ARK2C: variants seen among roughly 807,000 people sequenced by gnomAD.
ARK2C encodes E3 ubiquitin-protein ligase ARK2C.
At chr18:46,387,262 C>T in the ARK2C span, among the ~76,000 whole-genome samples, 57 of 152,314 alleles carry the variant, frequency 3.7e-4, no homozygotes, top group South Asian at 0.012. Context: ...GGCCCCACCT[C>T]CAGAGAGTCC....
At chr18:46,416,109 T>C in the ARK2C span, among the ~76,000 whole-genome samples, 1 of 152,150 alleles carries the variant, frequency 6.6e-6, no homozygotes, top group African/African-American at 2.4e-5. Flanking sequence ...GATTTGTCTA[T>C]TTGCCAGCAC....
At chr18:46,367,891 T>C in the ARK2C span, among the ~76,000 whole-genome samples, 5 of 152,224 alleles carry the variant, frequency 3.3e-5, no homozygotes, top group African/African-American at 1.2e-4. Context: ...GGTGCAGGCA[T>C]CTGTACTTTG....
At chr18:46,342,117 C>T in the ARK2C span, among the ~76,000 whole-genome samples, 9 of 152,280 alleles carry the variant, frequency 5.9e-5, no homozygotes, top group African/African-American at 1.9e-4. Flanking sequence ...CTCCTTGGCA[C>T]AGCCCATGAG....
chr18:46,436,895 C>G, the ARK2C span, among the ~76,000 whole-genome samples: 3 of 152,124 alleles, frequency 2.0e-5, no homozygotes, highest in African/African-American at 7.2e-5. Flanking sequence ...TACTCAGGGC[C>G]CTTGCATATG....
chr18:46,426,945 A>G, the ARK2C span, among the ~76,000 whole-genome samples: 1 of 152,186 alleles, frequency 6.6e-6, no homozygotes, highest in Non-Finnish European at 1.5e-5. Context: ...GACATCACTG[A>G]TCGTTGATTT....
At chr18:46,346,516 G>A in the ARK2C span, among the ~76,000 whole-genome samples, 1 of 152,186 alleles carries the variant, frequency 6.6e-6, no homozygotes, top group Non-Finnish European at 1.5e-5. Flanking sequence ...GGGAAACTAA[G>A]CTGTAGCAAA....
At chr18:46,334,839 G>A in the ARK2C span, 1 of 192,370 alleles carries the variant, frequency 5.2e-6, no homozygotes, top group Non-Finnish European at 1.0e-5. The surrounding 1 kb of genome is among the most constrained non-coding windows in gnomAD (Gnocchi z 4.4). Flanking sequence ...TAGTACCGAT[G>A]GCTGGCTAGC....
chr18:46,380,185 A>C, the ARK2C span, among the ~76,000 whole-genome samples: 1 of 152,178 alleles, frequency 6.6e-6, no homozygotes. Flanking sequence ...TATAAAATGG[A>C]AGACTGGATG....
the ARK2C span, among the ~76,000 whole-genome samples, chr18:46,379,116 G>A: frequency 6.6e-5 from 10 of 152,202 alleles, no homozygotes; most frequent in South Asian, 2.1e-4. Context: ...TGGGGGCCTC[G>A]TTTTCCCTGC....
the ARK2C span, among the ~76,000 whole-genome samples, chr18:46,360,782 G>A: frequency 1.3e-5 from 2 of 152,206 alleles, no homozygotes; most frequent in Non-Finnish European, 2.9e-5. Flanking sequence ...CGGGTATGTG[G>A]AATCCTACCT....
chr18:46,390,212 T>A, the ARK2C span, among the ~76,000 whole-genome samples: 2 of 152,202 alleles, frequency 1.3e-5, no homozygotes, highest in African/African-American at 4.8e-5. Context: ...CTGCTGGGAC[T>A]CTCACCTAGG....
chr18:46,451,994 G>A, the ARK2C span, among the ~76,000 whole-genome samples: 1 of 152,204 alleles, frequency 6.6e-6, no homozygotes, highest in Non-Finnish European at 1.5e-5. Context: ...TGCCAGTGGG[G>A]AGGGAGGGAG....
At chr18:46,336,300 G>T in the ARK2C span, 1 of 985,334 alleles carries the variant, frequency 1.0e-6, no homozygotes, top group Non-Finnish European at 1.2e-6. Context: ...ATTGCAGGAT[G>T]CTGATTCCAT....
At chr18:46,382,893 C>A in the ARK2C span, among the ~76,000 whole-genome samples, 3 of 152,244 alleles carry the variant, frequency 2.0e-5, no homozygotes, top group Non-Finnish European at 4.4e-5. Flanking sequence ...AGCCTCGGGA[C>A]TGCCAAACAC....
the ARK2C span, among the ~76,000 whole-genome samples, chr18:46,383,648 G>A: frequency 6.8e-6 from 1 of 147,922 alleles, no homozygotes; most frequent in East Asian, 2.0e-4. Flanking sequence ...TCTGCCTCCA[G>A]GGTTCATGCC....
chr18:46,372,807 C>T, the ARK2C span, among the ~76,000 whole-genome samples: 26 of 152,366 alleles, frequency 1.7e-4, no homozygotes, highest in South Asian at 4.1e-4. Context: ...CCATACGTTT[C>T]CTTTATTCTA....
chr18:46,444,804 A>G, the ARK2C span, among the ~76,000 whole-genome samples: 3 of 152,028 alleles, frequency 2.0e-5, no homozygotes, highest in African/African-American at 7.2e-5. Context: ...TTGTGTCTTA[A>G]AGTCACTAAT....
the ARK2C span, among the ~76,000 whole-genome samples, chr18:46,417,945 A>G: frequency 6.6e-6 from 1 of 152,108 alleles, no homozygotes; most frequent in African/African-American, 2.4e-5. Flanking sequence ...TGGAGGTTGC[A>G]GTGAGCCAAG....
chr18:46,429,932 C>T, the ARK2C span, among the ~76,000 whole-genome samples: 17 of 152,160 alleles, frequency 1.1e-4, no homozygotes, highest in East Asian at 3.3e-3. Flanking sequence ...TTTCATGTGG[C>T]CACATTTGTC....
Sources: allele counts gnomAD v4.1 joint callset (sites outside exome capture counted in the v4.1 genomes callset), GRCh38; gene constraint gnomAD v4.1.1; non-coding constraint Gnocchi (gnomAD v3.1); transcripts MANE v1.5; gene names NCBI Gene and HGNC (gene_info 2026-07-23, HGNC 2026-07-21).